The following ZNF654 variants were observed in gnomAD, a reference collection of about 807,000 sequenced individuals.
The protein encoded by ZNF654 is zinc finger protein 654.
In ZNF654, 19 loss-of-function variants were observed where a neutral mutation model predicts 95.3. That is an observed-to-expected ratio of 0.20 (90% CI 0.14 to 0.29). The LOEUF (loss-of-function observed/expected upper bound fraction) is 0.29. ZNF654 is among the 10% of genes least tolerant of loss of function. ZNF654 has a pLI of 1.00. For missense variants in ZNF654, 1,046 were observed against 1,341.0 expected, an observed-to-expected ratio of 0.78 and a Z score of 3.44; for synonymous variants, 413 against 457.9, an observed-to-expected ratio of 0.90 and a Z score of 1.25.
chr3:88,099,196 C>T (rs892208245), intron 2 of ZNF654, among the ~76,000 whole-genome samples: 34 of 152,184 alleles, frequency 2.2e-4, no homozygotes, highest in African/African-American at 7.5e-4. Context: ...CAATAACAGA[C>T]AGAGAGCCAA....
chr3:88,077,584 T>C (rs1257410326), intron 1 of ZNF654, among the ~76,000 whole-genome samples: 7 of 152,142 alleles, frequency 4.6e-5, no homozygotes, highest in Admixed American at 3.9e-4. Context: ...AATATACCCA[T>C]GAAAAACTTG....
At chr3:88,083,896 T>G (rs1043499710) in intron 1 of ZNF654, among the ~76,000 whole-genome samples, 8 of 151,284 alleles carry the variant, frequency 5.3e-5, no homozygotes, top group Non-Finnish European at 8.8e-5. Context: ...ACTCACAGCA[T>G]AGGAGAAAAA....
intron 1 of ZNF654, among the ~76,000 whole-genome samples, chr3:88,073,108 T>C (rs1707608140): frequency 1.3e-5 from 2 of 152,204 alleles, no homozygotes; most frequent in Non-Finnish European, 1.5e-5. Context: ...ATTAGAAATA[T>C]GGTTCCTAAT....
At chr3:88,079,541 T>G (rs543694033) in intron 1 of ZNF654, among the ~76,000 whole-genome samples, 38 of 152,148 alleles carry the variant, frequency 2.5e-4, no homozygotes, top group African/African-American at 8.9e-4. Flanking sequence ...AAGTTATCTG[T>G]AAAGTTAAGT....
intron 3 of ZNF654, among the ~76,000 whole-genome samples, chr3:88,118,246 CACA>C (rs1576314999): frequency 6.6e-6 from 1 of 152,094 alleles, no homozygotes; most frequent in East Asian, 1.9e-4. Context: ...TTCCCTGAGA[CACA>C]ACCTGTTTTT....
At chr3:88,084,778 G>A (rs1413798779) in intron 1 of ZNF654, among the ~76,000 whole-genome samples, 5 of 152,196 alleles carry the variant, frequency 3.3e-5, no homozygotes, top group African/African-American at 1.2e-4. Flanking sequence ...CAAGCAGCGT[G>A]AGTTTCGTGT....
At chr3:88,091,687 G>C (rs1213636189) in intron 2 of ZNF654, among the ~76,000 whole-genome samples, 1 of 152,144 alleles carries the variant, frequency 6.6e-6, no homozygotes, top group Non-Finnish European at 1.5e-5. Flanking sequence ...TTGAATCATG[G>C]GGTCGGGTTT....
chr3:88,132,531 C>A (rs1054173585), intron 6 of ZNF654, among the ~76,000 whole-genome samples: 42 of 152,120 alleles, frequency 2.8e-4, no homozygotes, highest in Non-Finnish European at 1.5e-4. Context: ...ATCCACTGTA[C>A]AACTAAAACC....
chr3:88,140,888 A>G lies in ZNF654; in HGVS notation c.3219A>G (p.Arg1073=), dbSNP rs1034428700. The change falls in exon 8 of 9, where the codon AGA becomes AGG. Residue 1073 remains arginine, a synonymous_variant. Transcript: ENST00000636215. ...MPKRRKFLTD[R]VDACSDQDNV... ...AACGCAGAAAATTTCTGACTGATAG[A>G]GTAGATGCCTGTTCTGATCAAGATA... The G allele has an allele frequency of 6.2e-7, 1 of 1,613,514 alleles. No homozygotes were observed. The highest frequency in any genetic ancestry group is 1.3e-5 in the African/African-American group (1 of 74,902).
intron 1 of ZNF654, among the ~76,000 whole-genome samples, chr3:88,067,796 A>G (rs558372264): frequency 1.3e-5 from 2 of 152,230 alleles, no homozygotes; most frequent in South Asian, 4.1e-4. Flanking sequence ...GAAGGAATAG[A>G]CAGTAAGTAC....
chr3:88,125,972 C>T (rs945743908), intron 3 of ZNF654, among the ~76,000 whole-genome samples, 162 bp from the exon 4 acceptor site: 3 of 152,100 alleles, frequency 2.0e-5, no homozygotes, highest in Non-Finnish European at 4.4e-5. Context: ...TATTTGTGTT[C>T]ATGGGGTTTC....
intron 3 of ZNF654, among the ~76,000 whole-genome samples, chr3:88,118,100 T>C (rs1391066805): frequency 6.6e-6 from 1 of 152,176 alleles, no homozygotes; most frequent in African/African-American, 2.4e-5. Flanking sequence ...AAAGTCTTAC[T>C]ACCAAAGCTC....
rs1346151240 is a variant in ZNF654 at position 88,113,040 on chromosome 3, T to C, written c.333-75T>C. The C allele has an allele frequency of 3.0e-6, 3 of 988,214 alleles. No individual in the cohort carries two copies. The Admixed American group carries it at 7.1e-5, about 24-fold the overall frequency. The allele number at this position is 988,214 out of a possible 1,614,324, so 61.2% of individuals were successfully genotyped here. A position where few individuals can be genotyped will look rare whatever the true frequency, so the allele number is the denominator to read the frequency against. On this transcript the variant is annotated intron_variant, in intron 2 of 8. Coordinates refer to ENST00000636215, the MANE Select transcript of ZNF654 (RefSeq NM_001350134.2). ...AAGTCAAATATTGATATTAGATAGC[T>C]GATACTGTTTGATAATCTTTTAATT...
At chr3:88,078,540 A>G (rs528025878) in intron 1 of ZNF654, among the ~76,000 whole-genome samples, 2 of 152,250 alleles carry the variant, frequency 1.3e-5, no homozygotes, top group East Asian at 1.9e-4. Context: ...CTGTTTTCCA[A>G]AAAGGTAGGT....
chr3:88,088,760 G>GGA (rs1371352726), intron 2 of ZNF654, among the ~76,000 whole-genome samples: 34,118 of 149,026 alleles, frequency 0.23, 4,518 homozygotes, highest in South Asian at 0.34. Flanking sequence ...ATGTATGTAT[G>GGA]TATGGATGGA....
rs201527695 is a variant in ZNF654, at chr3:88,141,595, C to A, written c.3380-50C>A. 24 of 1,376,298 alleles carry A rather than the reference C, an allele frequency of 1.7e-5. No homozygotes were observed. In the South Asian group the frequency reaches 3.7e-4, roughly 21 times the overall value. 85.3% of individuals were successfully genotyped at this position (1,376,298 alleles called of 1,614,324 possible). A position where few individuals can be genotyped will look rare whatever the true frequency, so the allele number is the denominator to read the frequency against. On this transcript the variant is annotated intron_variant, in intron 8 of 8. Transcript: ENST00000636215. The stretch of plus-strand genomic sequence containing the variant: ...TAAACAGGAATCTGACTTGGAATTC[C>A]GGTCGAATGTCAATAAAACTTGCAT...
At chr3:88,099,551 C>T (rs1257938029) in intron 2 of ZNF654, among the ~76,000 whole-genome samples, 3 of 56,078 alleles carry the variant, frequency 5.3e-5, no homozygotes, top group African/African-American at 1.2e-4. Flanking sequence ...AAGCTGGAGG[C>T]ATCACACTAC....
chr3:88,109,545 A>G (rs1310894084), intron 2 of ZNF654, among the ~76,000 whole-genome samples: 3 of 152,172 alleles, frequency 2.0e-5, no homozygotes, highest in Non-Finnish European at 2.9e-5. Flanking sequence ...TAAATGCACA[A>G]ATCTTTCTTG....
At chr3:88,088,708 T>C (rs1708465297) in intron 2 of ZNF654, among the ~76,000 whole-genome samples, 1 of 135,924 alleles carries the variant, frequency 7.4e-6, no homozygotes, top group African/African-American at 2.6e-5. Context: ...TTATTTAGAT[T>C]TGTAAGAGTG....
Sources: allele counts gnomAD v4.1 joint callset (sites outside exome capture counted in the v4.1 genomes callset), GRCh38; gene constraint gnomAD v4.1.1; transcripts MANE v1.5; gene names NCBI Gene and HGNC (gene_info 2026-07-23, HGNC 2026-07-21).